The following ANKRD36 variants were observed in gnomAD, a reference collection of about 807,000 sequenced individuals.
The protein encoded by ANKRD36 is ankyrin repeat domain-containing protein 36A.
ANKRD36 carries 179 observed loss-of-function variants against 278.1 expected under a neutral mutation model. The ratio of observed to expected loss-of-function variants is 0.64; its 90% CI spans 0.57 to 0.73. The LOEUF is 0.73. Ranked by LOEUF, ANKRD36 falls within the 30% of genes least tolerant of loss-of-function variation. ANKRD36 has a pLI of 0.00. For synonymous variants in ANKRD36, 320 were observed against 641.1 expected (o/e 0.50, Z 7.57); for missense variants, 1,159 against 1,956.7 (o/e 0.59, Z 7.69).
Position 97,189,300 on chromosome 2 carries a change from C to T in ANKRD36, c.2245+10C>T, listed in dbSNP as rs6742356. ...GAAAAATCTGGGACAGGTAATTTTG[C>T]AAAACACATTCAATGTCATGTTCAA... is the stretch of plus-strand genomic sequence containing the variant. On this transcript the variant is annotated intron_variant, in intron 34 of 75. Transcript: ENST00000420699. The T allele has an allele frequency of 6.7e-3, 4,355 of 651,206 alleles. 774 individuals carry two copies. Among genetic ancestry groups the T allele is most frequent in the African/African-American group, 0.06 (3,834 of 63,976 alleles). 40.3% of individuals were successfully genotyped at this position (651,206 alleles called of 1,614,324 possible). A position where few individuals can be genotyped will look rare whatever the true frequency, so the allele number is the denominator to read the frequency against.
chr2:97,190,762 A>G (rs764242169), intron 34 of ANKRD36, among the ~76,000 whole-genome samples: 6 of 151,592 alleles, frequency 4.0e-5, no homozygotes, highest in Admixed American at 6.6e-5. Flanking sequence ...GAATCATACC[A>G]TGTTTGAAAC....
intron 6 of ANKRD36, among the ~76,000 whole-genome samples, chr2:97,127,829 T>G (rs1385032044): frequency 6.6e-6 from 1 of 152,050 alleles, no homozygotes; most frequent in African/African-American, 2.4e-5. Flanking sequence ...TTTTACTTAA[T>G]TTTTTATTTG....
intron 8 of ANKRD36, among the ~76,000 whole-genome samples, chr2:97,143,701 T>C (rs1166277873): frequency 6.6e-6 from 1 of 152,392 alleles, no homozygotes; most frequent in Non-Finnish European, 1.5e-5. Flanking sequence ...ATTAATTGAC[T>C]CCTAAAGTGG....
At chr2:97,207,863 G>A (rs1266518869) in intron 53 of ANKRD36, 24 bp downstream of exon 53, 11 of 1,545,030 alleles carry the variant, frequency 7.1e-6, no homozygotes, top group South Asian at 1.2e-5. Context: ...CATTTATATT[G>A]TGAACTAGTA....
At chr2:97,156,455 G>A (rs2047469197) in intron 15 of ANKRD36, among the ~76,000 whole-genome samples, 1 of 132,412 alleles carries the variant, frequency 7.6e-6, no homozygotes, top group Non-Finnish European at 1.8e-5. Flanking sequence ...CCACCTATGA[G>A]TGAGAATATG....
At chr2:97,135,438 A>G (rs1215855446) in intron 6 of ANKRD36, among the ~76,000 whole-genome samples, 1 of 152,072 alleles carries the variant, frequency 6.6e-6, no homozygotes, top group Admixed American at 6.6e-5. Context: ...ATACTGTAGT[A>G]AAAGTTATGT....
rs569884656 is a variant in ANKRD36, at chr2:97,207,705, G to A, written c.3164-106G>A. The A allele has an allele frequency of 3.4e-4, 508 of 1,509,314 alleles. 5 individuals are homozygous for A. The East Asian group carries it at 9.5e-3, about 28-fold the overall frequency. 93.5% of individuals were successfully genotyped at this position (1,509,314 alleles called of 1,614,324 possible). ...CAAAGTAGAAGCCATCAAAGCCTACGCTAATACAGGCAGGAGGACAGAGGT... is the reference window on the plus strand; with the variant it reads ...CAAAGTAGAAGCCATCAAAGCCTACACTAATACAGGCAGGAGGACAGAGGT... On this transcript the variant is annotated intron_variant, in intron 52 of 75. Transcript: ENST00000420699.
At chr2:97,204,150 A>C in intron 49 of ANKRD36, 41 bp from the exon 50 acceptor site, 2 of 1,571,426 alleles carry the variant, frequency 1.3e-6, no homozygotes, top group South Asian at 1.2e-5. Context: ...TCTACGAAAC[A>C]TACTTTATTA....
At chr2:97,194,993 G>A (rs2059377812) in intron 40 of ANKRD36, 76 bp downstream of exon 40, 6 of 1,518,692 alleles carry the variant, frequency 4.0e-6, no homozygotes, top group Non-Finnish European at 5.3e-6. Flanking sequence ...ATCAGTGGGG[G>A]GCTGGTCAAA....
In ANKRD36 at chr2:97,176,302, G is replaced by A. The variant is rs911774448; in HGVS notation, c.1634-3436G>A. ...CTCAGGACTTGCTTTATGAATCTGGGTGCTCCTGTATTGGGTGCATATATA... is the reference window on the plus strand; with the variant it reads ...CTCAGGACTTGCTTTATGAATCTGGATGCTCCTGTATTGGGTGCATATATA... On this transcript the variant is annotated intron_variant, in intron 22 of 75. Transcript: ENST00000420699. Among the ~76,000 whole-genome samples, 374 of 148,870 alleles carry A rather than the reference G, an allele frequency of 2.5e-3. 1 individual carries two copies. The highest frequency in any genetic ancestry group is 8.6e-3 in the African/African-American group (353 of 41,144).
At chr2:97,157,651 C>T (rs1297699372) in intron 15 of ANKRD36, among the ~76,000 whole-genome samples, 1 of 144,408 alleles carries the variant, frequency 6.9e-6, no homozygotes, top group African/African-American at 2.6e-5. Flanking sequence ...GCAACTTACA[C>T]TGTTTAAAGA....
intron 45 of ANKRD36, 37 bp from the exon 46 acceptor site, chr2:97,200,416 A>G (rs1244626342): frequency 1.9e-6 from 3 of 1,601,814 alleles, no homozygotes; most frequent in South Asian, 1.1e-5. Flanking sequence ...CCTATGAAAC[A>G]TACCTTATTT....
Position 97,207,994 on chromosome 2 carries a change from A to G in ANKRD36, c.3253A>G (p.Lys1085Glu). The change falls in exon 54 of 76, where the codon AAA (lysine) becomes GAA (glutamate). Residue 1085 changes from lysine to glutamate, a missense_variant. Lys to Glu is a moderately conservative substitution (Grantham distance 56, BLOSUM62 1). Coordinates refer to ENST00000420699, the MANE Select transcript of ANKRD36 (RefSeq NM_001354587.1). The part of the protein sequence containing the change: ...NIARGKKYGE[K>E]TKRVSSRKKP... ...AGCCAGAGGAAAAAAGTATGGAGAA[A>G]AAACTAAGAGAGGTAATTTTGAAAA... The G allele has an allele frequency of 2.0e-6, 3 of 1,521,616 alleles. 1 individual carries two copies. The South Asian group carries it at 3.6e-5, about 18-fold the overall frequency. The allele number at this position is 1,521,616 out of a possible 1,614,324, so 94.3% of individuals were successfully genotyped here.
At chr2:97,181,553 A>C (rs1355309978) in intron 24 of ANKRD36, 45 bp from the exon 25 acceptor site, 4 of 1,601,304 alleles carry the variant, frequency 2.5e-6, no homozygotes, top group Non-Finnish European at 2.5e-6. Context: ...GGATAAATTT[A>C]TCATATGTAC....
At chr2:97,126,475 A>C (rs2443920) in intron 5 of ANKRD36, among the ~76,000 whole-genome samples, 15 of 152,000 alleles carry the variant, frequency 9.9e-5, no homozygotes, top group Non-Finnish European at 1.6e-4. Flanking sequence ...AGTTGAGATA[A>C]CCTGAATTAT....
rs1000159129 is a variant in ANKRD36 at position 97,230,967 on chromosome 2, C to T, written c.3952-2763C>T. Among the ~76,000 whole-genome samples, 25 of 152,178 alleles carry T rather than the reference C, an allele frequency of 1.6e-4. 1 individual carries two copies. The highest frequency in any genetic ancestry group is 1.6e-3 in the East Asian group (8 of 5,094). ...TGCAGAACAGCAGATTTTCATGAAC[C>T]GCGAATGCTGCTGTGTGATCGTTCC... On this transcript the variant is annotated intron_variant, in intron 67 of 75. Coordinates refer to ENST00000420699, the MANE Select transcript of ANKRD36 (RefSeq NM_001354587.1).
At chr2:97,256,421 T>TTCTTGATTCAG (rs2076227199) in intron 75 of ANKRD36, among the ~76,000 whole-genome samples, 1 of 151,930 alleles carries the variant, frequency 6.6e-6, no homozygotes, top group Non-Finnish European at 1.5e-5. Context: ...TTTCTGTTTC[T>TTCTTGATTCAG]TCTTGATTCA....
At chr2:97,130,000 C>T (rs1393382409) in intron 6 of ANKRD36, among the ~76,000 whole-genome samples, 1 of 151,946 alleles carries the variant, frequency 6.6e-6, no homozygotes, top group African/African-American at 2.4e-5. Flanking sequence ...TTTTCCAGTT[C>T]TGTGAAGAAA....
Position 97,189,971 on chromosome 2 carries a change from G to A in ANKRD36, c.2245+681G>A, listed in dbSNP as rs554641561. Among the ~76,000 whole-genome samples the A allele has an allele frequency of 5.2e-3, 425 of 82,490 alleles. 46 individuals are homozygous for A. The highest frequency in any genetic ancestry group is 0.011 in the African/African-American group (412 of 36,596). 54.1% of individuals were successfully genotyped at this position (82,490 alleles called of 152,430 possible). ...TCATTACTCCTTTTTGTTACTATTAGGCATCAGAGATACATGTTTTGTTGA... is the reference window on the plus strand; with the variant it reads ...TCATTACTCCTTTTTGTTACTATTAAGCATCAGAGATACATGTTTTGTTGA... On this transcript the variant is annotated intron_variant, in intron 34 of 75. Coordinates refer to ENST00000420699, the MANE Select transcript of ANKRD36 (RefSeq NM_001354587.1).
Sources: allele counts gnomAD v4.1 joint callset (sites outside exome capture counted in the v4.1 genomes callset), GRCh38; gene constraint gnomAD v4.1.1; transcripts MANE v1.5; gene names NCBI Gene and HGNC (gene_info 2026-07-23, HGNC 2026-07-21).